The following MAF variants were observed in gnomAD, a reference collection of about 807,000 sequenced individuals.
The protein encoded by MAF is MAF bZIP transcription factor.
Under a neutral mutation model 22.0 loss-of-function variants are expected in MAF, and 10 were observed. The ratio of observed to expected loss-of-function variants is 0.45; its 90% CI spans 0.28 to 0.77. The LOEUF is 0.77. Among genes scored for constraint, MAF ranks in the 30% least tolerant of loss-of-function variants. The pLI is 0.12. For synonymous variants in MAF, 337 were observed against 255.8 expected, an observed-to-expected ratio of 1.32 and a Z score of -3.03; for missense variants, 544 against 548.4, an observed-to-expected ratio of 0.99 and a Z score of 0.08.
chr16:79,486,926 G>A, the MAF span, among the ~76,000 whole-genome samples: 3 of 152,174 alleles, frequency 2.0e-5, no homozygotes, highest in African/African-American at 7.2e-5. Context: ...GGTGGATTTT[G>A]AGTAGACTAG....
the MAF span, among the ~76,000 whole-genome samples, chr16:79,419,027 T>C: frequency 6.6e-6 from 1 of 152,320 alleles, no homozygotes; most frequent in African/African-American, 2.4e-5. Context: ...TCACAGACAT[T>C]TATTAAATTA....
chr16:79,309,570 T>A, the MAF span, among the ~76,000 whole-genome samples: 2 of 152,250 alleles, frequency 1.3e-5, no homozygotes, highest in Non-Finnish European at 2.9e-5. Flanking sequence ...ATATTTCATT[T>A]TTAAAGGAGG....
At chr16:79,543,323 G>A in the MAF span, among the ~76,000 whole-genome samples, 334 of 152,266 alleles carry the variant, frequency 2.2e-3, 6 homozygotes, top group East Asian at 0.045. Context: ...GATCAATCCC[G>A]GTCAGACACC....
intron 1 of MAF, among the ~76,000 whole-genome samples, chr16:79,588,000 C>A (rs1043342104): frequency 6.6e-6 from 1 of 151,954 alleles, no homozygotes; most frequent in East Asian, 1.9e-4. Flanking sequence ...GGTCTCACAT[C>A]GGGGTAAGAG....
the MAF span, among the ~76,000 whole-genome samples, chr16:79,304,952 A>T: frequency 2.6e-5 from 4 of 152,080 alleles, no homozygotes; most frequent in Admixed American, 1.3e-4. Context: ...TTCTAGAACC[A>T]CCAGCTCATT....
chr16:79,509,698 C>T, the MAF span, among the ~76,000 whole-genome samples: 15 of 152,358 alleles, frequency 9.8e-5, no homozygotes, highest in African/African-American at 3.6e-4. Flanking sequence ...CAGGGCCTGG[C>T]ATGGCATTGC....
chr16:79,213,612 A>G, the MAF span, among the ~76,000 whole-genome samples: 2 of 152,262 alleles, frequency 1.3e-5, no homozygotes, highest in South Asian at 4.1e-4. Context: ...TGCAACTTCC[A>G]TCATAGGGAA....
At chr16:79,590,972 C>A (rs534883969), downstream of MAF, among the ~76,000 whole-genome samples, 1 of 152,164 alleles carries the variant, frequency 6.6e-6, no homozygotes, top group South Asian at 2.1e-4. Flanking sequence ...AGAACCAGGG[C>A]AACTATAGGT....
At chr16:79,476,617 G>T in the MAF span, among the ~76,000 whole-genome samples, 1 of 152,146 alleles carries the variant, frequency 6.6e-6, no homozygotes, top group African/African-American at 2.4e-5. Flanking sequence ...CCAAATGAGA[G>T]GGAAAGGAGG....
the MAF span, among the ~76,000 whole-genome samples, chr16:79,403,455 G>A: frequency 1.3e-3 from 199 of 152,294 alleles, no homozygotes; most frequent in African/African-American, 4.3e-3. Context: ...CCAGTATCCA[G>A]GGCAGTGGAT....
chr16:79,213,163 G>GA, the MAF span, among the ~76,000 whole-genome samples: 54 of 152,252 alleles, frequency 3.5e-4, no homozygotes, highest in African/African-American at 1.3e-3. Flanking sequence ...TGGCAAGACG[G>GA]AGAAAATGCT....
At chr16:79,346,602 G>A in the MAF span, among the ~76,000 whole-genome samples, 1 of 152,308 alleles carries the variant, frequency 6.6e-6, no homozygotes, top group Admixed American at 6.5e-5. Flanking sequence ...TGAAGGTGAT[G>A]ATGGATGGTT....
the MAF span, among the ~76,000 whole-genome samples, chr16:79,559,967 A>G: frequency 6.6e-6 from 1 of 152,188 alleles, no homozygotes; most frequent in Non-Finnish European, 1.5e-5. Context: ...GCAGTGACAC[A>G]ATCACAGTTC....
intron 1 of MAF, chr16:79,596,345 C>A: frequency 9.4e-7 from 1 of 1,059,144 alleles, no homozygotes. Context: ...CAAAAAACAG[C>A]CTATAATTTC....
At chr16:79,588,240 C>A (rs1230094658) in intron 1 of MAF, among the ~76,000 whole-genome samples, 1 of 152,158 alleles carries the variant, frequency 6.6e-6, no homozygotes, top group Non-Finnish European at 1.5e-5. Flanking sequence ...GCATGTGTCT[C>A]CACACTGCTC....
At chr16:79,504,922 A>G in the MAF span, among the ~76,000 whole-genome samples, 1 of 152,140 alleles carries the variant, frequency 6.6e-6, no homozygotes, top group African/African-American at 2.4e-5. Flanking sequence ...CACAGTGTGG[A>G]GTTACTATTC....
At chr16:79,521,331 T>A in the MAF span, among the ~76,000 whole-genome samples, 1 of 152,232 alleles carries the variant, frequency 6.6e-6, no homozygotes, top group Non-Finnish European at 1.5e-5. Flanking sequence ...CCACTGTTGG[T>A]TTAATGGATG....
chr16:79,454,868 AG>A, the MAF span, among the ~76,000 whole-genome samples: 13 of 152,086 alleles, frequency 8.5e-5, no homozygotes, highest in Admixed American at 8.5e-4. Context: ...AGGCCGAGGC[AG>A]GTGGATCACC....
chr16:79,477,217 G>A, the MAF span, among the ~76,000 whole-genome samples: 1 of 152,182 alleles, frequency 6.6e-6, no homozygotes, highest in Non-Finnish European at 1.5e-5. Context: ...AGGTGCCACT[G>A]GATCATTTTA....
Sources: gnomAD v4.1 joint callset for allele counts (sites outside exome capture counted in the v4.1 genomes callset) on GRCh38, gnomAD v4.1.1 for gene constraint, MANE v1.5 for transcripts, NCBI Gene and HGNC (gene_info 2026-07-23, HGNC 2026-07-21) for gene names.